SH3RF3: variants seen among roughly 807,000 people sequenced by gnomAD.
SH3RF3 encodes the protein E3 ubiquitin-protein ligase SH3RF3.
Under a neutral mutation model 66.3 loss-of-function variants are expected in SH3RF3, and 29 were observed. The observed-to-expected ratio is 0.44, with a 90% CI of 0.33 to 0.60. The LOEUF (loss-of-function observed/expected upper bound fraction) is 0.60. Among genes scored for constraint, SH3RF3 ranks in the 20% least tolerant of loss-of-function variants. The pLI is 0.04. For synonymous variants in SH3RF3, 583 were observed against 532.0 expected (o/e 1.10, Z -1.32); for missense variants, 1,194 against 1,190.9 (o/e 1.00, Z -0.04).
At chr2:109,479,031 CTTATG>C (rs1287719270) in intron 8 of SH3RF3, among the ~76,000 whole-genome samples, 1 of 152,166 alleles carries the variant, frequency 6.6e-6, no homozygotes, top group Non-Finnish European at 1.5e-5. Context: ...GGTGGGCTGG[CTTATG>C]TGTCTGGCGG....
chr2:109,193,702 A>T (rs1162144316), intron 1 of SH3RF3, among the ~76,000 whole-genome samples: 1 of 152,188 alleles, frequency 6.6e-6, no homozygotes, highest in African/African-American at 2.4e-5. Context: ...GTCTAGAAAG[A>T]TCAGTATGTA....
intron 1 of SH3RF3, among the ~76,000 whole-genome samples, chr2:109,196,888 C>T (rs956877448): frequency 4.6e-5 from 7 of 152,200 alleles, no homozygotes; most frequent in African/African-American, 1.2e-4. Context: ...CCTTTGAGGA[C>T]CCCGGCACAT....
At chr2:109,306,926 A>T (rs116093898) in intron 1 of SH3RF3, among the ~76,000 whole-genome samples, 1 of 152,166 alleles carries the variant, frequency 6.6e-6, no homozygotes, top group Non-Finnish European at 1.5e-5. Flanking sequence ...GCCCGTGTGG[A>T]TGGCTGATGG....
intron 2 of SH3RF3, among the ~76,000 whole-genome samples, chr2:109,364,071 C>T (rs560369998): frequency 6.6e-6 from 1 of 151,716 alleles, no homozygotes; most frequent in Non-Finnish European, 1.5e-5. Flanking sequence ...TATCTTTCTT[C>T]TCCTTCTAGT....
At chr2:109,435,314 G>A (rs771098826) in intron 6 of SH3RF3, among the ~76,000 whole-genome samples, 3 of 152,168 alleles carry the variant, frequency 2.0e-5, no homozygotes, top group Admixed American at 6.5e-5. Context: ...CCAAAGCTGT[G>A]CCCCCAGGAC....
chr2:109,437,154 C>G lies in SH3RF3; in HGVS notation c.1828+8C>G. ...GGAGCACCATTTCAACAGGTACCTT[C>G]ACAGGGGCCTCACCCTGCAGGGCAT... On this transcript the variant is annotated splice_region_variant and intron_variant, in intron 7 of 9. Transcript: ENST00000309415. 6.2e-7 allele frequency: 1 copy of G among 1,604,434 alleles called. No individual in the cohort carries two copies. Among genetic ancestry groups the G allele is most frequent in the Non-Finnish European group, 8.5e-7 (1 of 1,173,620 alleles).
chr2:109,142,904 C>T (rs974090942), intron 1 of SH3RF3, among the ~76,000 whole-genome samples: 5 of 152,168 alleles, frequency 3.3e-5, no homozygotes, highest in African/African-American at 1.2e-4. Flanking sequence ...AGGATGTCGG[C>T]TTTCAAGGTG....
At chr2:109,281,272 G>A (rs2105342791) in intron 1 of SH3RF3, among the ~76,000 whole-genome samples, 1 of 152,334 alleles carries the variant, frequency 6.6e-6, no homozygotes, top group Non-Finnish European at 1.5e-5. Context: ...ACAGGTTGTG[G>A]GTTTTGTTGG....
chr2:109,412,019 A>T (rs1476413145), intron 4 of SH3RF3, among the ~76,000 whole-genome samples: 1 of 152,104 alleles, frequency 6.6e-6, no homozygotes, highest in Non-Finnish European at 1.5e-5. Flanking sequence ...GGCAGCTCCC[A>T]CTGTCCACAC....
rs1679393382 is a variant in SH3RF3, at chr2:109,501,738, A to C, written c.*67A>C. The C allele has an allele frequency of 1.4e-6, 1 of 690,630 alleles. No homozygotes were observed. The highest frequency in any genetic ancestry group is 2.7e-5 in the East Asian group (1 of 37,102). 42.8% of individuals were successfully genotyped at this position (690,630 alleles called of 1,614,324 possible). ...GCCTGGGAAGCTCCACGGCACACAG[A>C]GAGGGAGCCATGGCGCCCCAAGGGT... On this transcript the variant is annotated 3_prime_UTR_variant, in exon 10 of 10. Coordinates refer to ENST00000309415, the MANE Select transcript of SH3RF3 (RefSeq NM_001099289.3).
At chr2:109,193,239 A>G (rs6542803) in intron 1 of SH3RF3, among the ~76,000 whole-genome samples, 122,997 of 152,182 alleles carry the variant, frequency 0.81, 49,828 homozygotes, top group South Asian at 0.86. Flanking sequence ...TGAGAGAGAA[A>G]TAGGTTCCTG....
At chr2:109,270,661 G>T (rs965653169) in intron 1 of SH3RF3, among the ~76,000 whole-genome samples, 2 of 152,190 alleles carry the variant, frequency 1.3e-5, no homozygotes, top group Non-Finnish European at 2.9e-5. Context: ...TATGACATAG[G>T]TGTCTTGGCC....
At chr2:109,158,962 A>G (rs1285752396) in intron 1 of SH3RF3, among the ~76,000 whole-genome samples, 1 of 152,168 alleles carries the variant, frequency 6.6e-6, no homozygotes, top group Non-Finnish European at 1.5e-5. Flanking sequence ...CTAAAAATAC[A>G]AAAAATTAGC....
chr2:109,197,621 G>A (rs1212202860), intron 1 of SH3RF3, among the ~76,000 whole-genome samples: 3 of 152,198 alleles, frequency 2.0e-5, no homozygotes, highest in African/African-American at 7.2e-5. Flanking sequence ...TGCAGTTGCT[G>A]TTTTGAGATT....
chr2:109,231,183 G>A (rs147637826), intron 1 of SH3RF3, among the ~76,000 whole-genome samples: 7 of 152,338 alleles, frequency 4.6e-5, no homozygotes, highest in African/African-American at 4.8e-5. Context: ...CGGCTTTGCC[G>A]AAGTCTCGGA....
intron 1 of SH3RF3, among the ~76,000 whole-genome samples, chr2:109,291,415 T>C (rs1681178026): frequency 6.6e-6 from 1 of 152,130 alleles, no homozygotes; most frequent in Non-Finnish European, 1.5e-5. Flanking sequence ...TGCATCTCAG[T>C]TCCTGCAATC....
chr2:109,403,356 C>T (rs757736536), intron 4 of SH3RF3, among the ~76,000 whole-genome samples: 14 of 152,184 alleles, frequency 9.2e-5, no homozygotes, highest in Admixed American at 3.9e-4. Flanking sequence ...TCAGCTTCCC[C>T]GACTGTGTGG....
chr2:109,275,985 G>T (rs1680748291), intron 1 of SH3RF3, among the ~76,000 whole-genome samples: 1 of 152,136 alleles, frequency 6.6e-6, no homozygotes, highest in Non-Finnish European at 1.5e-5. Context: ...GAGGGGAGAC[G>T]AACATGCCCC....
intron 9 of SH3RF3, among the ~76,000 whole-genome samples, chr2:109,498,543 G>T (rs1203534678): frequency 6.6e-6 from 1 of 152,222 alleles, no homozygotes; most frequent in Non-Finnish European, 1.5e-5. Context: ...GTGGGGAAGG[G>T]CAAAGGCTTC....
Sources: gnomAD v4.1 joint callset for allele counts (sites outside exome capture counted in the v4.1 genomes callset) on GRCh38, gnomAD v4.1.1 for gene constraint, MANE v1.5 for transcripts, NCBI Gene and HGNC (gene_info 2026-07-23, HGNC 2026-07-21) for gene names.